The following CPS1 variants were observed in gnomAD, a reference collection of about 807,000 sequenced individuals.
The protein encoded by CPS1 is carbamoyl-phosphate synthase [ammonia], mitochondrial.
A neutral mutation model predicts 174.6 loss-of-function variants in CPS1; 109 were observed. That is an observed-to-expected ratio of 0.62 (90% CI 0.53 to 0.73). The LOEUF (loss-of-function observed/expected upper bound fraction) is 0.73, where lower values mean the gene tolerates loss of function less well. Ranked by LOEUF, CPS1 falls within the 30% of genes least tolerant of loss-of-function variation. The pLI is 0.00. For missense variants in CPS1, 1,689 were observed against 1,821.9 expected (o/e 0.93, Z 1.33); for synonymous variants, 637 against 632.0 (o/e 1.01, Z -0.12).
chr2:210,535,990 G>A (rs1467037541), intron 1 of CPS1, among the ~76,000 whole-genome samples: 1 of 152,004 alleles, frequency 6.6e-6, no homozygotes, highest in Non-Finnish European at 1.5e-5. Flanking sequence ...TTTCTCAGAT[G>A]AGAAAACTTA....
In CPS1 at chr2:210,660,643, T is replaced by G; in HGVS notation, c.3915T>G (p.Tyr1305Ter). The G allele has an allele frequency of 6.2e-7, 1 of 1,614,102 alleles. No homozygotes were observed. The highest frequency in any genetic ancestry group is 8.5e-7 in the Non-Finnish European group (1 of 1,179,938). Residue 1305 changes from tyrosine (Y) to a stop codon, truncating the protein, a stop_gained, in exon 32 of 38, where the codon TAT becomes TAG. Coordinates refer to ENST00000233072, the MANE Select transcript of CPS1 (RefSeq NM_001875.5). LOFTEE classifies it high-confidence loss of function. ...ACCATCCCATAATTCCTGCTGACTA[T>G]GTTGCAATTAAGGTAACATTTTCAA... ...TLDHPIIPAD[Y>*]VAIKAPMFSW...
chr2:210,650,506 T>A (rs1033404799), intron 28 of CPS1, 68 bp downstream of exon 28: 2 of 1,104,394 alleles, frequency 1.8e-6, no homozygotes, highest in South Asian at 1.2e-5. Flanking sequence ...TATCTCTTAA[T>A]AAAATGTAGT....
At chr2:210,511,002 A>G (rs1695470640) in intron 1 of CPS1, among the ~76,000 whole-genome samples, 3 of 152,170 alleles carry the variant, frequency 2.0e-5, no homozygotes, top group South Asian at 4.1e-4. Flanking sequence ...AACTAGAAAT[A>G]TCGTTTGACC....
chr2:210,552,602 C>T (rs1256863152), upstream of CPS1, among the ~76,000 whole-genome samples: 1 of 151,904 alleles, frequency 6.6e-6, no homozygotes, highest in Admixed American at 6.6e-5. Flanking sequence ...AAACCTAAGA[C>T]CTTTATTCTC....
intron 18 of CPS1, 36 bp downstream of exon 18, chr2:210,606,977 T>G: frequency 1.9e-6 from 3 of 1,578,748 alleles, no homozygotes; most frequent in Non-Finnish European, 1.7e-6. Context: ...GTTTGCAGAT[T>G]CTTTTCAGAT....
intron 1 of CPS1, among the ~76,000 whole-genome samples, chr2:210,485,309 A>G (rs1373314926): frequency 6.6e-6 from 1 of 152,070 alleles, no homozygotes; most frequent in African/African-American, 2.4e-5. Context: ...TATCTAAAGT[A>G]TACCATTTCA....
chr2:210,602,812 T>C (rs1698773285), intron 16 of CPS1, among the ~76,000 whole-genome samples: 1 of 151,850 alleles, frequency 6.6e-6, no homozygotes, highest in African/African-American at 2.4e-5. Flanking sequence ...AAAATTAAGG[T>C]GTCTAAAATA....
At chr2:210,552,053 C>T (rs987015139), upstream of CPS1, among the ~76,000 whole-genome samples, 1 of 151,800 alleles carries the variant, frequency 6.6e-6, no homozygotes, top group Admixed American at 6.6e-5. Flanking sequence ...TAATTGTGAC[C>T]GTGTTCCTTG....
At chr2:210,554,505 C>T (rs1272721152), upstream of CPS1, among the ~76,000 whole-genome samples, 6 of 151,726 alleles carry the variant, frequency 4.0e-5, no homozygotes, top group Non-Finnish European at 7.4e-5. Context: ...CTTGGTCAAG[C>T]TCTGGACTCC....
intron 1 of CPS1, among the ~76,000 whole-genome samples, chr2:210,520,901 G>T (rs912828305): frequency 6.6e-6 from 1 of 151,986 alleles, no homozygotes; most frequent in Non-Finnish European, 1.5e-5. Flanking sequence ...AAATAAAGCT[G>T]CTAAGAGCAT....
intron 10 of CPS1, among the ~76,000 whole-genome samples, chr2:210,592,603 A>G (rs1388509103): frequency 6.6e-6 from 1 of 151,956 alleles, no homozygotes; most frequent in East Asian, 1.9e-4. Context: ...CCCAAAGACT[A>G]TAGACCAAAT....
At position 210,626,636 on chromosome 2, in the gene CPS1, C is replaced by T. The variant is rs150707830; in HGVS notation, c.2687+10095C>T. On this transcript the variant is annotated intron_variant, in intron 21 of 37. Transcript: ENST00000233072. ...ATACATGTAGGCAGTATAGGTATAT[C>T]GTGAAATCTCTAACTCCTGGTGAGA... Among the ~76,000 whole-genome samples, 349 of 152,172 alleles carry T rather than the reference C, an allele frequency of 2.3e-3. 5 individuals carry two copies. The highest frequency in any genetic ancestry group is 0.02 in the Admixed American group (309 of 15,290).
In CPS1 at chr2:210,616,533, C is replaced by T. The variant is rs2287599; in HGVS notation, c.2679C>T (p.Gly893=). The T allele has an allele frequency of 1.9e-6, 3 of 1,590,826 alleles. No individual in the cohort carries two copies. Among genetic ancestry groups the T allele is most frequent in the South Asian group, 1.1e-5 (1 of 90,548 alleles). ...TAAACATGGAAAAGACACTGAAAGG[C>T]CTCAACAGGTAAGGCAGTGCTGCTC... ...DILNMEKTLK[G]LNSESMTEET... is the part of the protein sequence containing the mutation. Residue 893 remains glycine, a synonymous_variant, in exon 21 of 38, where the codon GGC becomes GGT. Coordinates refer to ENST00000233072, the MANE Select transcript of CPS1 (RefSeq NM_001875.5).
At chr2:210,535,473 T>G (rs1696223000) in intron 1 of CPS1, among the ~76,000 whole-genome samples, 1 of 152,242 alleles carries the variant, frequency 6.6e-6, no homozygotes, top group Non-Finnish European at 1.5e-5. Flanking sequence ...ATAAATGCTA[T>G]GCTGAATCAT....
At chr2:210,628,377 T>A (rs1299436021) in intron 21 of CPS1, among the ~76,000 whole-genome samples, 1 of 152,226 alleles carries the variant, frequency 6.6e-6, no homozygotes, top group East Asian at 1.9e-4. Context: ...AGGAATTTAA[T>A]TCTAGCATTT....
At chr2:210,613,892 GTCA>G (rs1443693467) in intron 20 of CPS1, among the ~76,000 whole-genome samples, 1 of 151,918 alleles carries the variant, frequency 6.6e-6, no homozygotes, top group Non-Finnish European at 1.5e-5. Context: ...TTTGTTAGAG[GTCA>G]TCATTACTGT....
chr2:210,502,342 T>C (rs1695160719), intron 1 of CPS1, among the ~76,000 whole-genome samples: 3 of 148,940 alleles, frequency 2.0e-5, no homozygotes, highest in South Asian at 4.2e-4. Context: ...ATCCACCATC[T>C]TGGGAAAAAA....
chr2:210,599,314 T>C (rs1488555435), intron 13 of CPS1, 58 bp from the exon 14 acceptor site: 22 of 1,511,628 alleles, frequency 1.5e-5, no homozygotes, highest in Non-Finnish European at 2.0e-5. Context: ...TATTTAAGTG[T>C]GGTCATTCTC....
chr2:210,483,608 A>C (rs1018841033), intron 1 of CPS1, among the ~76,000 whole-genome samples: 3 of 151,994 alleles, frequency 2.0e-5, no homozygotes, highest in Admixed American at 6.6e-5. Flanking sequence ...GGGCTCTTTT[A>C]TGCTGCCTTG....
Sources: allele counts gnomAD v4.1 joint callset (sites outside exome capture counted in the v4.1 genomes callset), GRCh38; gene constraint gnomAD v4.1.1; transcripts MANE v1.5; gene names NCBI Gene and HGNC (gene_info 2026-07-23, HGNC 2026-07-21).